EML1: variants seen among roughly 807,000 people sequenced by gnomAD.
EML1 encodes echinoderm microtubule-associated protein-like 1.
EML1 carries 27 observed loss-of-function variants against 110.4 expected under a neutral mutation model. The observed-to-expected ratio is 0.24, with a 90% CI of 0.18 to 0.34. EML1 has a LOEUF of 0.34. Among genes scored for constraint, EML1 ranks in the 10% least tolerant of loss-of-function variants. The pLI, the probability that EML1 is intolerant of heterozygous loss-of-function variation, is 1.00. For missense variants in EML1, 741 were observed against 1,030.9 expected, an observed-to-expected ratio of 0.72 and a Z score of 3.85; for synonymous variants, 344 against 385.8, an observed-to-expected ratio of 0.89 and a Z score of 1.27.
intron 1 of EML1, among the ~76,000 whole-genome samples, chr14:99,742,785 G>A (rs2057058103): frequency 6.6e-6 from 1 of 152,140 alleles, no homozygotes; most frequent in African/African-American, 2.4e-5. Context: ...GAGCCTCGGC[G>A]GTCTCATCTG....
At chr14:99,894,523 G>C in intron 5 of EML1, 106 bp from the exon 6 acceptor site, 1 of 1,274,912 alleles carries the variant, frequency 7.8e-7, no homozygotes, top group Non-Finnish European at 1.0e-6. Context: ...ATGACAGAAG[G>C]GTAAAAGTTT....
Position 99,840,804 on chromosome 14 carries a change from A to G in EML1, c.68-10049A>G, listed in dbSNP as rs183284746. On this transcript the variant is annotated intron_variant, in intron 1 of 21. Transcript: ENST00000262233. Reference sequence around the variant, plus strand: ...AGATAATCACATGAATGGAGAAAAAAGCATGCTTCTCTCACCTTTTAATAG... The same window carrying G: ...AGATAATCACATGAATGGAGAAAAAGGCATGCTTCTCTCACCTTTTAATAG... 3.5e-4 allele frequency among the ~76,000 whole-genome samples: 54 copies of G among 152,340 alleles called. No homozygotes were observed. In the East Asian group the frequency reaches 5.4e-3, roughly 15 times the overall value.
chr14:99,775,442 G>C (rs1346151202), intron 1 of EML1, among the ~76,000 whole-genome samples: 1 of 152,226 alleles, frequency 6.6e-6, no homozygotes, highest in Non-Finnish European at 1.5e-5. Context: ...TGGAGCAGTG[G>C]GAAGGGACAG....
intron 2 of EML1, among the ~76,000 whole-genome samples, chr14:99,852,503 T>C (rs1172716273): frequency 6.6e-6 from 1 of 152,130 alleles, no homozygotes; most frequent in Non-Finnish European, 1.5e-5. Context: ...TGGTCCCAGC[T>C]ACTCAGGAGG....
At chr14:99,777,165 A>G (rs900830559) in intron 1 of EML1, among the ~76,000 whole-genome samples, 1 of 152,224 alleles carries the variant, frequency 6.6e-6, no homozygotes, top group Non-Finnish European at 1.5e-5. Context: ...ACAAATAAAT[A>G]AATGGGAGCT....
intron 1 of EML1, among the ~76,000 whole-genome samples, chr14:99,774,772 G>A: frequency 6.6e-6 from 1 of 152,202 alleles, no homozygotes; most frequent in Non-Finnish European, 1.5e-5. Flanking sequence ...GTGAAGCCTT[G>A]AGTAGGGGAG....
At chr14:99,850,091 G>C in intron 1 of EML1, 1 of 363,724 alleles carries the variant, frequency 2.7e-6, no homozygotes, top group Non-Finnish European at 5.2e-6. Context: ...CACCACACCT[G>C]GCTAATTTTT....
chr14:99,855,568 G>A (rs1156301876), intron 2 of EML1, among the ~76,000 whole-genome samples: 1 of 152,176 alleles, frequency 6.6e-6, no homozygotes, highest in Non-Finnish European at 1.5e-5. Context: ...ATTGTGCCAT[G>A]TATCTGGGAT....
chr14:99,874,408 C>T (rs2059255574), intron 3 of EML1, among the ~76,000 whole-genome samples: 1 of 152,218 alleles, frequency 6.6e-6, no homozygotes, highest in South Asian at 2.1e-4. Context: ...CATTATTGCA[C>T]AGTCTCTCAC....
intron 4 of EML1, among the ~76,000 whole-genome samples, chr14:99,890,080 T>G (rs1566920719): frequency 6.6e-6 from 1 of 152,178 alleles, no homozygotes; most frequent in Non-Finnish European, 1.5e-5. Context: ...GTGTTTCAAG[T>G]CAAAAATTGA....
At chr14:99,890,706 T>A (rs1018237577) in intron 4 of EML1, among the ~76,000 whole-genome samples, 1 of 152,122 alleles carries the variant, frequency 6.6e-6, no homozygotes, top group African/African-American at 2.4e-5. Flanking sequence ...CACCCTGGTG[T>A]TCCCCGCTTC....
At chr14:99,805,353 C>T (rs557042890) in intron 1 of EML1, among the ~76,000 whole-genome samples, 12 of 152,328 alleles carry the variant, frequency 7.9e-5, no homozygotes, top group South Asian at 4.1e-4. Flanking sequence ...GTTAGCAGCC[C>T]GCACCAACTG....
chr14:99,828,161 A>G (rs1244651636), intron 1 of EML1, among the ~76,000 whole-genome samples: 1 of 152,224 alleles, frequency 6.6e-6, no homozygotes, highest in Non-Finnish European at 1.5e-5. Flanking sequence ...TCTGTTCGCT[A>G]TTCTTATACA....
intron 1 of EML1, chr14:99,737,872 C>T (rs1234371205): frequency 3.6e-5 from 46 of 1,288,920 alleles, no homozygotes; most frequent in African/African-American, 9.1e-5. Flanking sequence ...TGAGTGGCAG[C>T]GCTATATTTA....
intron 8 of EML1, among the ~76,000 whole-genome samples, chr14:99,899,121 TAGAG>T (rs992432128): frequency 5.9e-5 from 9 of 152,278 alleles, no homozygotes; most frequent in East Asian, 3.9e-4. Context: ...TTTAAGGCGT[TAGAG>T]AGGGAGCTTG....
In EML1 at chr14:99,900,831, A is replaced by G. The variant is rs538538810; in HGVS notation, c.898-98A>G. The stretch of plus-strand genomic sequence containing the variant: ...CAGAAAAAGATCTTTTGTTTTGACA[A>G]AGTCCGAGTTACTGCCCAAGTAATC... On this transcript the variant is annotated intron_variant, in intron 8 of 21. Transcript: ENST00000262233. 46 of 998,450 alleles carry G rather than the reference A, an allele frequency of 4.6e-5. No individual in the cohort carries two copies. In the South Asian group the frequency reaches 6.4e-4, roughly 14 times the overall value. The allele number at this position is 998,450 out of a possible 1,614,324, so 61.8% of individuals were successfully genotyped here.
intron 1 of EML1, among the ~76,000 whole-genome samples, chr14:99,848,469 T>G (rs1183001761): frequency 6.6e-6 from 1 of 152,142 alleles, no homozygotes; most frequent in African/African-American, 2.4e-5. Flanking sequence ...AAACATGTTG[T>G]ATACAATATA....
chr14:99,820,055 A>G (rs1413431130), intron 1 of EML1, among the ~76,000 whole-genome samples: 1 of 152,174 alleles, frequency 6.6e-6, no homozygotes, highest in East Asian at 1.9e-4. Context: ...AGAGCTGAGC[A>G]TGTCTGGAGG....
At chr14:99,861,989 A>G (rs2059010274) in intron 2 of EML1, among the ~76,000 whole-genome samples, 2 of 152,098 alleles carry the variant, frequency 1.3e-5, no homozygotes, top group South Asian at 2.1e-4. Context: ...GGATTTCCTT[A>G]GTTTGTCCCT....
Sources: gnomAD v4.1 joint callset for allele counts (sites outside exome capture counted in the v4.1 genomes callset) on GRCh38, gnomAD v4.1.1 for gene constraint, MANE v1.5 for transcripts, NCBI Gene and HGNC (gene_info 2026-07-23, HGNC 2026-07-21) for gene names.